Variants in SRGAP1 observed in about 807,000 individuals in gnomAD.
SRGAP1 encodes SLIT-ROBO Rho GTPase-activating protein 1.
In SRGAP1, 43 loss-of-function variants were observed where a neutral mutation model predicts 121.9. That is an observed-to-expected ratio of 0.35 (90% CI 0.28 to 0.46). The LOEUF is 0.46. Among genes scored for constraint, SRGAP1 ranks in the 20% least tolerant of loss-of-function variants. The pLI is 1.00. For synonymous variants in SRGAP1, 447 were observed against 485.4 expected, an observed-to-expected ratio of 0.92 and a Z score of 1.04; for missense variants, 1,102 against 1,350.9, an observed-to-expected ratio of 0.82 and a Z score of 2.89.
intron 8 of SRGAP1, among the ~76,000 whole-genome samples, chr12:64,066,007 C>T (rs770925922): frequency 6.7e-6 from 1 of 148,296 alleles, no homozygotes; most frequent in Non-Finnish European, 1.5e-5. Flanking sequence ...TTCACGTTCT[C>T]CTAAAATAAA....
At chr12:64,061,436 A>C (rs2035448467) in intron 6 of SRGAP1, among the ~76,000 whole-genome samples, 1 of 152,228 alleles carries the variant, frequency 6.6e-6, no homozygotes, top group African/African-American at 2.4e-5. Flanking sequence ...GATTTCAATA[A>C]ATGATTGTAT....
chr12:63,992,311 T>C (rs1056919293), intron 3 of SRGAP1, among the ~76,000 whole-genome samples: 1 of 152,232 alleles, frequency 6.6e-6, no homozygotes, highest in Non-Finnish European at 1.5e-5. Flanking sequence ...ATCCCAGCCC[T>C]TCTGCATACT....
chr12:63,864,365 T>C (rs1196070902), intron 1 of SRGAP1, among the ~76,000 whole-genome samples: 1 of 152,218 alleles, frequency 6.6e-6, no homozygotes, highest in Non-Finnish European at 1.5e-5. Context: ...CGTCCCATTT[T>C]CAGATACCAT....
intron 1 of SRGAP1, among the ~76,000 whole-genome samples, chr12:63,882,034 T>G (rs1764869302): frequency 6.6e-6 from 1 of 152,242 alleles, no homozygotes; most frequent in Admixed American, 6.5e-5. Flanking sequence ...ATAGAGTTTG[T>G]ATATATGACA....
chr12:64,094,789 A>G, intron 12 of SRGAP1, 143 bp from the exon 13 acceptor site: 1 of 736,072 alleles, frequency 1.4e-6, no homozygotes, highest in Non-Finnish European at 2.3e-6. Flanking sequence ...AAGTTGAAAC[A>G]GAATTGCCTT....
intron 6 of SRGAP1, 26 bp from the exon 7 acceptor site, chr12:64,062,891 T>G: frequency 1.3e-6 from 2 of 1,567,928 alleles, no homozygotes; most frequent in Non-Finnish European, 1.7e-6. Flanking sequence ...TTCATTTTTG[T>G]ATGTGGTGTT....
chr12:64,079,191 T>G, intron 9 of SRGAP1, 75 bp downstream of exon 9: 1 of 1,512,508 alleles, frequency 6.6e-7, no homozygotes, highest in Non-Finnish European at 9.1e-7. Context: ...TATAGTCACA[T>G]CAGAACCATC....
chr12:64,137,748 C>A (rs940009222), intron 21 of SRGAP1, among the ~76,000 whole-genome samples: 1 of 151,940 alleles, frequency 6.6e-6, no homozygotes, highest in African/African-American at 2.4e-5. Flanking sequence ...TAAACAATAG[C>A]CGCAGCCTCA....
At position 63,930,349 on chromosome 12, in the gene SRGAP1, AAAAG is replaced by A. The variant is rs1306934624; in HGVS notation, c.68-53597_68-53594del. Among the ~76,000 whole-genome samples, 436 of 151,332 alleles carry A rather than the reference AAAAG, an allele frequency of 2.9e-3. 2 individuals carry two copies. The highest frequency in any genetic ancestry group is 0.01 in the African/African-American group (413 of 41,112). On this transcript the variant is annotated intron_variant, in intron 1 of 21. Coordinates refer to ENST00000355086, the MANE Select transcript of SRGAP1 (RefSeq NM_020762.4). ...CTACTAAAAAAAAAAAAAAAAAAAA[AAAAG>A]GGGAGCCCTCTTTTTATTCAAATCA...
At chr12:63,929,194 A>C (rs1284826667) in intron 1 of SRGAP1, among the ~76,000 whole-genome samples, 1 of 152,248 alleles carries the variant, frequency 6.6e-6, no homozygotes, top group African/African-American at 2.4e-5. Context: ...CTAGTGAGGT[A>C]GTCAGGAGCC....
intron 6 of SRGAP1, among the ~76,000 whole-genome samples, chr12:64,047,068 A>G (rs1409090984): frequency 6.6e-6 from 1 of 152,206 alleles, no homozygotes; most frequent in Non-Finnish European, 1.5e-5. Context: ...TAAATATCCC[A>G]AGTGATTTTC....
intron 14 of SRGAP1, among the ~76,000 whole-genome samples, chr12:64,096,976 T>C (rs1037565217): frequency 7.2e-5 from 11 of 152,140 alleles, no homozygotes; most frequent in Non-Finnish European, 1.0e-4. Flanking sequence ...AATTCCACAA[T>C]ATTTTATTTT....
intron 1 of SRGAP1, among the ~76,000 whole-genome samples, chr12:63,856,988 G>C (rs923947990): frequency 2.6e-5 from 4 of 151,830 alleles, no homozygotes; most frequent in Admixed American, 2.6e-4. Flanking sequence ...TGATATTTTT[G>C]TTTAGATTTA....
At chr12:64,042,475 A>C (rs1053207838) in intron 4 of SRGAP1, among the ~76,000 whole-genome samples, 1 of 152,204 alleles carries the variant, frequency 6.6e-6, no homozygotes, top group African/African-American at 2.4e-5. Context: ...AATGTAGAGG[A>C]GATTTTACAG....
At chr12:64,046,917 GA>G (rs112937617) in intron 6 of SRGAP1, among the ~76,000 whole-genome samples, 14 of 145,912 alleles carry the variant, frequency 9.6e-5, no homozygotes, top group African/African-American at 2.8e-4. Context: ...TTTATAGACT[GA>G]AAAAAAAAAC....
At chr12:64,025,308 T>C (rs2034630245) in intron 4 of SRGAP1, among the ~76,000 whole-genome samples, 1 of 152,170 alleles carries the variant, frequency 6.6e-6, no homozygotes, top group African/African-American at 2.4e-5. Flanking sequence ...TAAGGCATCC[T>C]TCTATAAAGA....
At chr12:63,985,006 A>T (rs1218733136) in intron 2 of SRGAP1, among the ~76,000 whole-genome samples, 2 of 130,418 alleles carry the variant, frequency 1.5e-5, no homozygotes, top group Admixed American at 8.4e-5. Context: ...ATAGAGTGAG[A>T]GTCCATCTCA....
At chr12:63,939,998 G>A (rs1465870285) in intron 1 of SRGAP1, among the ~76,000 whole-genome samples, 1 of 150,876 alleles carries the variant, frequency 6.6e-6, no homozygotes, top group African/African-American at 2.4e-5. Context: ...CTCTCTCTCT[G>A]TCGCCCAGGC....
chr12:63,962,165 A>G (rs146476012), intron 1 of SRGAP1, among the ~76,000 whole-genome samples: 2 of 152,280 alleles, frequency 1.3e-5, no homozygotes, highest in African/African-American at 2.4e-5. Context: ...ATATATCTAT[A>G]TGGTCTTTTT....
Sources: allele counts gnomAD v4.1 joint callset (sites outside exome capture counted in the v4.1 genomes callset), GRCh38; gene constraint gnomAD v4.1.1; transcripts MANE v1.5; gene names NCBI Gene and HGNC (gene_info 2026-07-23, HGNC 2026-07-21).